The following ZMYND8 variants were observed in gnomAD, a reference collection of about 807,000 sequenced individuals.
The protein encoded by ZMYND8 is zinc finger MYND-type containing 8.
A neutral mutation model predicts 140.8 loss-of-function variants in ZMYND8; 37 were observed. The ratio of observed to expected loss-of-function variants is 0.26; its 90% CI spans 0.20 to 0.35. ZMYND8 has a LOEUF of 0.35. Ranked by LOEUF, ZMYND8 falls within the 10% of genes least tolerant of loss-of-function variation. ZMYND8 has a pLI of 1.00. For synonymous variants in ZMYND8, 592 were observed against 597.1 expected, an observed-to-expected ratio of 0.99 and a Z score of 0.12; for missense variants, 1,068 against 1,570.0, an observed-to-expected ratio of 0.68 and a Z score of 5.40.
At chr20:47,247,070 C>CA (rs920826366) in intron 13 of ZMYND8, among the ~76,000 whole-genome samples, 20 of 152,230 alleles carry the variant, frequency 1.3e-4, no homozygotes, top group African/African-American at 4.8e-4. Flanking sequence ...GCAGAGGTTG[C>CA]AAACAGCCCA....
chr20:47,356,518 C>G, intron 1 of ZMYND8, 139 bp downstream of exon 1: 1 of 1,608,608 alleles, frequency 6.2e-7, no homozygotes. Context: ...AAAAAATTCT[C>G]TCTAAACAGT....
At chr20:47,215,158 A>C (rs2035894612) in intron 21 of ZMYND8, among the ~76,000 whole-genome samples, 1 of 152,182 alleles carries the variant, frequency 6.6e-6, no homozygotes, top group Non-Finnish European at 1.5e-5. Context: ...GGATTGCCTG[A>C]GCTCAGGAGT....
At chr20:47,332,822 G>A (rs946446782) in intron 2 of ZMYND8, among the ~76,000 whole-genome samples, 4 of 152,152 alleles carry the variant, frequency 2.6e-5, no homozygotes, top group African/African-American at 9.7e-5. Context: ...CAAGAGAAAT[G>A]ATGTGTCGTG....
At chr20:47,287,623 G>A (rs1332821801) in intron 7 of ZMYND8, among the ~76,000 whole-genome samples, 1 of 152,118 alleles carries the variant, frequency 6.6e-6, no homozygotes, top group Non-Finnish European at 1.5e-5. Context: ...TGTCCCAGAC[G>A]CCAACCCAAG....
chr20:47,235,885 A>T (rs760067088), intron 16 of ZMYND8, among the ~76,000 whole-genome samples: 1 of 152,158 alleles, frequency 6.6e-6, no homozygotes, highest in African/African-American at 2.4e-5. Flanking sequence ...CTCCCCATCC[A>T]TCTTGATTCC....
At chr20:47,248,141 ATCTC>A (rs1388856544) in intron 13 of ZMYND8, among the ~76,000 whole-genome samples, 1 of 152,234 alleles carries the variant, frequency 6.6e-6, no homozygotes, top group Non-Finnish European at 1.5e-5. Context: ...CAAGTTATTT[ATCTC>A]TCTGAGCCTC....
intron 12 of ZMYND8, among the ~76,000 whole-genome samples, chr20:47,259,221 G>A (rs1443976256): frequency 6.6e-6 from 1 of 152,194 alleles, no homozygotes; most frequent in Non-Finnish European, 1.5e-5. Flanking sequence ...GGAGGTGGAA[G>A]GAGGGTGTGA....
At position 47,334,605 on chromosome 20, in the gene ZMYND8, A is replaced by AAAAT. The variant is rs773739583; in HGVS notation, c.85+13250_85+13251insATTT. 3.4e-3 allele frequency among the ~76,000 whole-genome samples: 476 copies of AAAAT among 141,696 alleles called. 2 individuals carry two copies. The highest frequency in any genetic ancestry group is 0.011 in the African/African-American group (413 of 37,866). The allele number at this position is 141,696 out of a possible 152,430, so 93.0% of individuals were successfully genotyped here. A position where few individuals can be genotyped will look rare whatever the true frequency, so the allele number is the denominator to read the frequency against. On this transcript the variant is annotated intron_variant, in intron 2 of 22. Coordinates refer to ENST00000471951, the MANE Select transcript of ZMYND8 (RefSeq NM_001281775.3). ...GCTGCACAACTCTGTGAAAAAAAAA[A>AAAAT]ATATATATATATATATATATATTTT...
chr20:47,298,992 G>T lies in ZMYND8; in HGVS notation c.235-45C>A. On this transcript the variant is annotated intron_variant, in intron 3 of 22. Coordinates refer to ENST00000471951, the MANE Select transcript of ZMYND8 (RefSeq NM_001281775.3). The surrounding 1 kb of genome is among the most constrained non-coding windows in gnomAD (Gnocchi z 5.0). ...ACAGGTTTGGTTTCAAAACAAATGT[G>T]CATTCTCAAAAGGAATTTGAACAAG... is the stretch of plus-strand genomic sequence containing the variant. 6.4e-7 allele frequency: 1 copy of T among 1,574,526 alleles called. No individual in the cohort carries two copies. The highest frequency in any genetic ancestry group is 8.7e-7 in the Non-Finnish European group (1 of 1,144,968).
In ZMYND8 at chr20:47,282,125, G is replaced by A. The variant is rs1442957011; in HGVS notation, c.975C>T (p.Ala325=). The change falls in exon 10 of 23, where the codon GCC becomes GCT. Residue 325 remains alanine, a synonymous_variant. Coordinates refer to ENST00000471951, the MANE Select transcript of ZMYND8 (RefSeq NM_001281775.3). ...ALRDKDGQVD[A]RFFGQHDRAW... ...ACCTGTCATGTTGTCCAAAGAATCG[G>A]GCATCGACCTGCCCGTCTTTATCCC... is the stretch of plus-strand genomic sequence containing the variant. The A allele has an allele frequency of 3.1e-6, 5 of 1,613,728 alleles. No homozygotes were observed. Among genetic ancestry groups the A allele is most frequent in the Non-Finnish European group, 4.2e-6 (5 of 1,179,854 alleles).
In ZMYND8 at chr20:47,239,135, A is replaced by C. The variant is rs757732715; in HGVS notation, c.2288T>G (p.Val763Gly). The C allele has an allele frequency of 5.4e-6, 8 of 1,491,400 alleles. No homozygotes were observed. In the Admixed American group the frequency reaches 1.6e-4, roughly 30 times the overall value. 92.4% of individuals were successfully genotyped at this position (1,491,400 alleles called of 1,614,324 possible). The change falls in exon 15 of 23, where the codon GTA becomes GGA. Residue 763 changes from valine to glycine, a missense_variant. This residue lies in a region of ZMYND8 where 383 missense variants were observed against 431.2 expected (regional missense o/e 0.89). Coordinates refer to ENST00000471951, the MANE Select transcript of ZMYND8 (RefSeq NM_001281775.3). ...CGTCGTGGATGGTGGAGTTTTACCT[A>C]CAACTAGCCAATGCATGAAGAAAAA... The part of the protein sequence containing the change: ...PKEPSPKQDV[V>G]GKTPPSTTVG...
chr20:47,232,495 G>A (rs2038637481), intron 16 of ZMYND8, among the ~76,000 whole-genome samples: 1 of 152,066 alleles, frequency 6.6e-6, no homozygotes, highest in African/African-American at 2.4e-5. Context: ...GGAGTGGCCA[G>A]CCTGGGCACC....
intron 1 of ZMYND8, chr20:47,348,779 C>G (rs1229426151): frequency 6.6e-6 from 1 of 152,176 alleles, no homozygotes; most frequent in Non-Finnish European, 1.5e-5. Context: ...TCAGATCTTC[C>G]TCCCACAGAG....
At chr20:47,349,944 C>T (rs2082635920) in intron 1 of ZMYND8, 1 of 1,535,120 alleles carries the variant, frequency 6.5e-7, no homozygotes, top group South Asian at 1.2e-5. Context: ...CATTATTTGG[C>T]TTGTAACAGC....
At chr20:47,286,177 A>ATTT (rs35537741) in intron 8 of ZMYND8, among the ~76,000 whole-genome samples, 2 of 146,438 alleles carry the variant, frequency 1.4e-5, no homozygotes. Flanking sequence ...ATAAGGATAG[A>ATTT]TTTTTTTTTT....
In ZMYND8 at chr20:47,257,403, CCA is replaced by C. The variant is rs574775947; in HGVS notation, c.1621+4883_1621+4884del. Among the ~76,000 whole-genome samples, 14 of 152,012 alleles carry C rather than the reference CCA, an allele frequency of 9.2e-5. No individual in the cohort carries two copies. In the South Asian group the frequency reaches 2.9e-3, roughly 32 times the overall value. ...TACTCACATACCATATACACATTTA[CCA>C]TATACTCATATGCCATACACACACA... On this transcript the variant is annotated intron_variant, in intron 12 of 22. Transcript: ENST00000471951.
chr20:47,302,039 G>T (rs11904954), intron 3 of ZMYND8, among the ~76,000 whole-genome samples: 1 of 152,124 alleles, frequency 6.6e-6, no homozygotes, highest in Admixed American at 6.5e-5. Flanking sequence ...CACCTTGATT[G>T]TAAGTTTCCT....
At chr20:47,218,872 T>C (rs1388910357) in intron 21 of ZMYND8, among the ~76,000 whole-genome samples, 2 of 152,068 alleles carry the variant, frequency 1.3e-5, no homozygotes, top group Non-Finnish European at 2.9e-5. Flanking sequence ...ACAATGGACA[T>C]CACTTCTTCC....
intron 12 of ZMYND8, among the ~76,000 whole-genome samples, chr20:47,252,843 C>T (rs541965830): frequency 6.6e-6 from 1 of 152,216 alleles, no homozygotes; most frequent in South Asian, 2.1e-4. Context: ...CGCTTGAGCC[C>T]AGGAGGCAGA....
Sources: gnomAD v4.1 joint callset for allele counts (sites outside exome capture counted in the v4.1 genomes callset) on GRCh38, gnomAD v4.1.1 for gene constraint, gnomAD v4.1.1 regional missense constraint, Gnocchi (gnomAD v3.1) non-coding constraint, MANE v1.5 for transcripts, NCBI Gene and HGNC (gene_info 2026-07-23, HGNC 2026-07-21) for gene names.